The following UNC79 variants were observed in gnomAD, a reference collection of about 807,000 sequenced individuals.
The protein encoded by UNC79 is unc-79 subunit of NALCN channel complex, also known as protein unc-79 homolog.
In UNC79, 37 loss-of-function variants were observed where a neutral mutation model predicts 283.1. The observed-to-expected ratio is 0.13, with a 90% confidence interval of 0.10 to 0.17. The LOEUF (loss-of-function observed/expected upper bound fraction) is 0.17, where lower values mean the gene tolerates loss of function less well. Ranked by LOEUF, UNC79 falls within the 10% of genes least tolerant of loss-of-function variation. UNC79 has a pLI of 1.00. For missense variants in UNC79, 2,272 were observed against 3,211.1 expected, an observed-to-expected ratio of 0.71 and a Z score of 7.07; for synonymous variants, 1,107 against 1,200.2, an observed-to-expected ratio of 0.92 and a Z score of 1.61.
At chr14:93,365,931 C>T (rs142205106) in intron 1 of UNC79, among the ~76,000 whole-genome samples, 350 of 152,238 alleles carry the variant, frequency 2.3e-3, no homozygotes, top group Middle Eastern at 0.01. Context: ...AAAAAGCCTA[C>T]ACCTAAATAC....
At chr14:93,458,646 A>G (rs1566948129) in intron 1 of UNC79, among the ~76,000 whole-genome samples, 1 of 152,236 alleles carries the variant, frequency 6.6e-6, no homozygotes, top group Non-Finnish European at 1.5e-5. Flanking sequence ...TCATCTTGAA[A>G]TTACTTATTA....
intron 4 of UNC79, among the ~76,000 whole-genome samples, chr14:93,487,272 C>T (rs1021351033): frequency 9.2e-5 from 14 of 152,116 alleles, no homozygotes; most frequent in African/African-American, 3.4e-4. Context: ...GTTTAAAAAC[C>T]TTTCCTTTTT....
chr14:93,347,594 G>A (rs550350925), intron 1 of UNC79, among the ~76,000 whole-genome samples: 1 of 152,200 alleles, frequency 6.6e-6, no homozygotes, highest in South Asian at 2.1e-4. Flanking sequence ...TGAGGATGCC[G>A]TCGTCGGGCA....
chr14:93,617,049 T>C lies in UNC79; in HGVS notation c.4042-73T>C. On this transcript the variant is annotated intron_variant, in intron 27 of 48. Coordinates refer to ENST00000555664, the Ensembl canonical transcript of UNC79. This position sits in a 1 kb window ranked among gnomAD's most constrained non-coding sequence, Gnocchi z 4.5. ...TAAAAATTTTAACCACTGGGATGGC[T>C]CAAATTTTTCCTTTTGACCTCTGAG... 7.0e-7 allele frequency: 1 copy of C among 1,422,556 alleles called. No homozygotes were observed. Among genetic ancestry groups the C allele is most frequent in the Non-Finnish European group, 9.5e-7 (1 of 1,056,080 alleles). The allele number at this position is 1,422,556 out of a possible 1,614,324, so 88.1% of individuals were successfully genotyped here.
intron 1 of UNC79, among the ~76,000 whole-genome samples, chr14:93,393,099 G>A (rs2054916618): frequency 6.6e-6 from 1 of 152,180 alleles, no homozygotes; most frequent in Non-Finnish European, 1.5e-5. Flanking sequence ...GAGGGCAAGA[G>A]CCAGTGAGAC....
intron 1 of UNC79, among the ~76,000 whole-genome samples, chr14:93,351,697 G>A (rs1255975371): frequency 7.2e-5 from 11 of 152,196 alleles, no homozygotes; most frequent in African/African-American, 2.7e-4. Context: ...TATATGGAGA[G>A]AGAGAGAGAT....
intron 26 of UNC79, among the ~76,000 whole-genome samples, chr14:93,607,502 T>C (rs754330729): frequency 9.2e-5 from 14 of 152,188 alleles, no homozygotes; most frequent in Non-Finnish European, 7.4e-5. Flanking sequence ...CTACCACAAC[T>C]ACCTCTTGAT....
chr14:93,368,647 T>A (rs2054381917), intron 1 of UNC79, among the ~76,000 whole-genome samples: 1 of 152,092 alleles, frequency 6.6e-6, no homozygotes, highest in African/African-American at 2.4e-5. Flanking sequence ...AATTTTTGTA[T>A]TTTTAGTCGA....
At chr14:93,536,728 G>A (rs2061093927) in intron 11 of UNC79, among the ~76,000 whole-genome samples, 1 of 150,574 alleles carries the variant, frequency 6.6e-6, no homozygotes, top group Admixed American at 6.6e-5. Context: ...GAATGAAGTG[G>A]ATGCTGAGGT....
At chr14:93,428,600 A>C (rs1357757866), upstream of UNC79, among the ~76,000 whole-genome samples, 1 of 152,194 alleles carries the variant, frequency 6.6e-6, no homozygotes, top group African/African-American at 2.4e-5. Flanking sequence ...GTTGATGATT[A>C]GAGTCTCAAT....
At chr14:93,428,230 A>T, upstream of UNC79, among the ~76,000 whole-genome samples, 1 of 152,190 alleles carries the variant, frequency 6.6e-6, no homozygotes. Flanking sequence ...CTTTTTGAGG[A>T]TGAAAAATTT....
At chr14:93,582,566 G>A (rs2063898500) in intron 20 of UNC79, among the ~76,000 whole-genome samples, 1 of 152,136 alleles carries the variant, frequency 6.6e-6, no homozygotes, top group Non-Finnish European at 1.5e-5. Flanking sequence ...GCGGGCACCG[G>A]TTTTCAATAA....
exon 12 of UNC79, chr14:93,538,048 T>C (rs1275641998): frequency 6.2e-7 from 1 of 1,614,186 alleles, no homozygotes; most frequent in African/African-American, 1.3e-5. Flanking sequence ...GGTGCTGTGG[T>C]CGTCACGGAA....
chr14:93,587,109 G>T (rs1193365301), intron 22 of UNC79, among the ~76,000 whole-genome samples: 1 of 152,006 alleles, frequency 6.6e-6, no homozygotes, highest in Non-Finnish European at 1.5e-5. Flanking sequence ...ATTTCCATTT[G>T]CCTGATACTG....
At chr14:93,375,862 A>T (rs1190684152) in intron 1 of UNC79, among the ~76,000 whole-genome samples, 11 of 152,116 alleles carry the variant, frequency 7.2e-5, no homozygotes, top group Admixed American at 7.2e-4. Flanking sequence ...TTGACATGAG[A>T]TTTGGGCGGG....
At chr14:93,586,449 T>C (rs2064229219) in intron 20 of UNC79, 147 bp from the exon 21 acceptor site, 2 of 639,426 alleles carry the variant, frequency 3.1e-6, no homozygotes, top group South Asian at 4.0e-5. Flanking sequence ...TATATGCTAA[T>C]GTGGAGAGCA....
intron 42 of UNC79, among the ~76,000 whole-genome samples, chr14:93,684,855 A>G (rs964188614): frequency 3.9e-5 from 6 of 152,266 alleles, no homozygotes; most frequent in African/African-American, 1.4e-4. Context: ...TGTGAGTTTG[A>G]GTTTTGAATA....
chr14:93,436,125 T>C (rs2140112227), intron 1 of UNC79, among the ~76,000 whole-genome samples: 1 of 152,310 alleles, frequency 6.6e-6, no homozygotes, highest in Admixed American at 6.5e-5. Flanking sequence ...TAAAAATGAC[T>C]GAGGGTGGAT....
intron 1 of UNC79, among the ~76,000 whole-genome samples, chr14:93,420,672 C>A (rs990067159): frequency 1.3e-5 from 2 of 151,700 alleles, no homozygotes; most frequent in Non-Finnish European, 2.9e-5. Context: ...TTCCTTGGCA[C>A]ATAGATAATT....
Sources: allele counts gnomAD v4.1 joint callset (sites outside exome capture counted in the v4.1 genomes callset), GRCh38; gene constraint gnomAD v4.1.1; non-coding constraint Gnocchi (gnomAD v3.1); transcripts MANE v1.5; gene names NCBI Gene and HGNC (gene_info 2026-07-23, HGNC 2026-07-21).